KAT2B: variants seen among roughly 807,000 people sequenced by gnomAD.
KAT2B encodes histone acetyltransferase KAT2B.
KAT2B carries 36 observed loss-of-function variants against 105.9 expected under a neutral mutation model. The observed-to-expected ratio is 0.34, with a 90% CI of 0.26 to 0.45. The LOEUF is 0.45. Ranked by LOEUF, KAT2B falls within the 20% of genes least tolerant of loss-of-function variation. KAT2B has a pLI of 1.00. For missense variants in KAT2B, 820 were observed against 1,021.6 expected (o/e 0.80, Z 2.69); for synonymous variants, 397 against 377.9 (o/e 1.05, Z -0.59).
chr3:20,103,417 T>C (rs963201755), intron 5 of KAT2B, among the ~76,000 whole-genome samples: 10 of 152,108 alleles, frequency 6.6e-5, no homozygotes, highest in Admixed American at 1.3e-4. Context: ...TTTTTATTTT[T>C]ATTTTTTTTA....
intron 2 of KAT2B, among the ~76,000 whole-genome samples, chr3:20,094,549 T>G (rs1379477535): frequency 5.3e-5 from 8 of 152,042 alleles, no homozygotes; most frequent in Admixed American, 4.6e-4. Context: ...TGGACTGTAT[T>G]TGAGTAGAAG....
chr3:20,117,481 C>G (rs908745693), intron 7 of KAT2B, among the ~76,000 whole-genome samples: 2 of 152,166 alleles, frequency 1.3e-5, no homozygotes, highest in Non-Finnish European at 2.9e-5. Context: ...AGAGCTTTCT[C>G]TTTGTTCAGA....
intron 2 of KAT2B, among the ~76,000 whole-genome samples, chr3:20,092,253 G>C (rs371775631): frequency 1.7e-5 from 1 of 58,176 alleles, no homozygotes; most frequent in East Asian, 3.4e-4. Flanking sequence ...ATTTGAGATG[G>C]AGTGTTGCTC....
intron 1 of KAT2B, among the ~76,000 whole-genome samples, chr3:20,049,629 G>A (rs367655662): frequency 5.3e-5 from 8 of 152,254 alleles, no homozygotes; most frequent in African/African-American, 9.6e-5. Context: ...TTCTGCTGTC[G>A]TTTGAAATTT....
intron 2 of KAT2B, among the ~76,000 whole-genome samples, chr3:20,090,162 T>C (rs1465927116): frequency 2.0e-5 from 3 of 152,214 alleles, no homozygotes; most frequent in African/African-American, 7.2e-5. Context: ...CAATTTAACT[T>C]CTTCTTTTCT....
Position 20,122,704 on chromosome 3 carries a change from A to G in KAT2B, c.1313A>G (p.Glu438Gly). The stretch of plus-strand genomic sequence containing the variant: ...AAAATGACTGATTCTCATGTTCTGG[A>G]GGAGGCCAAGAAACCCCGAGTTATG... ...KRKMTDSHVL[E>G]EAKKPRVMGD... The change falls in exon 9 of 18, where the codon GAG becomes GGG. Residue 438 changes from glutamate (E) to glycine (G), a missense_variant. By Grantham distance (98) the Glu-to-Gly change is moderately conservative (BLOSUM62 -2). Coordinates refer to ENST00000263754, the MANE Select transcript of KAT2B (RefSeq NM_003884.5). The G allele has an allele frequency of 6.2e-7, 1 of 1,614,052 alleles. No homozygotes were observed.
At chr3:20,048,600 T>A (rs770772318) in intron 1 of KAT2B, among the ~76,000 whole-genome samples, 1 of 152,204 alleles carries the variant, frequency 6.6e-6, no homozygotes, top group African/African-American at 2.4e-5. Context: ...AGTCAGCACA[T>A]CTGCTTCTCA....
In KAT2B at chr3:20,153,221, T is replaced by C. The variant is rs1699898272; in HGVS notation, c.*696T>C. ...CAAACTTGTTAGTACATAACCACTA[T>C]TTTAATAATTATTTTCTCTACACAA... On this transcript the variant is annotated 3_prime_UTR_variant, in exon 18 of 18. Coordinates refer to ENST00000263754, the MANE Select transcript of KAT2B (RefSeq NM_003884.5). The C allele has an allele frequency of 6.6e-6, 1 of 152,458 alleles. No homozygotes were observed. The highest frequency in any genetic ancestry group is 2.4e-5 in the African/African-American group (1 of 41,460). 9.4% of individuals were successfully genotyped at this position (152,458 alleles called of 1,614,324 possible).
intron 17 of KAT2B, chr3:20,149,037 C>T (rs34159701): frequency 0.14 from 21,292 of 152,094 alleles, 1,814 homozygotes; most frequent in Middle Eastern, 0.24. Context: ...CGCTTTGTCT[C>T]ATATCCAAAA....
intron 10 of KAT2B, among the ~76,000 whole-genome samples, chr3:20,126,964 A>G (rs903627717): frequency 6.6e-6 from 1 of 152,190 alleles, no homozygotes; most frequent in Non-Finnish European, 1.5e-5. Flanking sequence ...AGACAGAGGG[A>G]AGGATTCCAT....
At chr3:20,105,718 G>C (rs536405225) in intron 5 of KAT2B, among the ~76,000 whole-genome samples, 91 of 150,730 alleles carry the variant, frequency 6.0e-4, no homozygotes, top group African/African-American at 2.1e-3. Context: ...GATTGCTTGA[G>C]CCCGGGAGGT....
At chr3:20,070,084 C>T (rs150902545) in intron 1 of KAT2B, among the ~76,000 whole-genome samples, 66 of 152,154 alleles carry the variant, frequency 4.3e-4, no homozygotes, top group Non-Finnish European at 8.2e-4. Flanking sequence ...AAAAGACGGT[C>T]ACTTGAGCTA....
chr3:20,109,079 C>T (rs1283381105), intron 5 of KAT2B, among the ~76,000 whole-genome samples: 1 of 152,148 alleles, frequency 6.6e-6, no homozygotes, highest in Non-Finnish European at 1.5e-5. Flanking sequence ...CCAGTGTTTG[C>T]ACAATGATAA....
intron 13 of KAT2B, among the ~76,000 whole-genome samples, chr3:20,142,147 G>C (rs947352180): frequency 6.6e-6 from 1 of 152,138 alleles, no homozygotes; most frequent in African/African-American, 2.4e-5. Context: ...TACATGATCT[G>C]TTGGCCCTTC....
At chr3:20,116,059 A>G (rs1444758778) in intron 7 of KAT2B, among the ~76,000 whole-genome samples, 1 of 152,046 alleles carries the variant, frequency 6.6e-6, no homozygotes, top group Non-Finnish European at 1.5e-5. Flanking sequence ...TACCAAAAAC[A>G]TGTCAAAAAC....
rs1699338320 is a variant in KAT2B, at chr3:20,123,030, T to C, written c.1413+226T>C. The C allele has an allele frequency of 3.7e-6, 3 of 819,734 alleles. No individual in the cohort carries two copies. The East Asian group carries it at 3.7e-4, about 102-fold the overall frequency. The allele number at this position is 819,734 out of a possible 1,614,324, so 50.8% of individuals were successfully genotyped here. ...GTCCACTTACTAATAATCTCACAGT[T>C]GAAGGCATCATTCCCAGCTTTTTAT... On this transcript the variant is annotated intron_variant, in intron 9 of 17. Transcript: ENST00000263754.
intron 6 of KAT2B, among the ~76,000 whole-genome samples, chr3:20,114,078 CT>C (rs1453234482): frequency 6.6e-6 from 1 of 152,042 alleles, no homozygotes; most frequent in African/African-American, 2.4e-5. Context: ...TTTCTTTTCT[CT>C]TTTTTTCTCT....
intron 11 of KAT2B, 40 bp from the exon 12 acceptor site, chr3:20,136,902 C>A: frequency 9.2e-7 from 1 of 1,082,322 alleles, no homozygotes; most frequent in South Asian, 1.4e-5. Context: ...ATTTTTCTCC[C>A]CAGTCTAATG....
intron 10 of KAT2B, 69 bp from the exon 11 acceptor site, chr3:20,127,353 AG>A: frequency 7.2e-7 from 1 of 1,396,784 alleles, no homozygotes; most frequent in Non-Finnish European, 1.0e-6. Flanking sequence ...TTGGTTAATA[AG>A]GAACACCCCA....
Sources: gnomAD v4.1 joint callset for allele counts (sites outside exome capture counted in the v4.1 genomes callset) on GRCh38, gnomAD v4.1.1 for gene constraint, MANE v1.5 for transcripts, NCBI Gene and HGNC (gene_info 2026-07-23, HGNC 2026-07-21) for gene names.